The following ELAPOR2 variants were observed in gnomAD, a reference collection of about 807,000 sequenced individuals.
ELAPOR2 encodes the protein endosome/lysosome-associated apoptosis and autophagy regulator family member 2.
A neutral mutation model predicts 120.7 loss-of-function variants in ELAPOR2; 89 were observed. The observed-to-expected ratio is 0.74, with a 90% CI of 0.62 to 0.88. The LOEUF (loss-of-function observed/expected upper bound fraction) is 0.88. Ranked by LOEUF, ELAPOR2 falls within the 40% of genes least tolerant of loss-of-function variation. The pLI, the probability that ELAPOR2 is intolerant of heterozygous loss-of-function variation, is 0.00. For missense variants in ELAPOR2, 1,134 were observed against 1,251.6 expected (o/e 0.91, Z 1.42); for synonymous variants, 444 against 444.9 (o/e 1.00, Z 0.03).
In ELAPOR2 at chr7:86,947,928, A is replaced by C; in HGVS notation, c.311-6T>G. 2 of 1,547,794 alleles carry C rather than the reference A, an allele frequency of 1.3e-6. No homozygotes were observed. The highest frequency in any genetic ancestry group is 1.7e-6 in the Non-Finnish European group (2 of 1,143,512). On this transcript the variant is annotated splice_region_variant and splice_polypyrimidine_tract_variant and intron_variant, in intron 2 of 21. Coordinates refer to ENST00000450689, the MANE Select transcript of ELAPOR2 (RefSeq NM_001142749.3). ...TCCAGAAGCACAGGAGAAAGCTGGA[A>C]GGCAGAAGAATGGACAACCCATTAC...
At chr7:86,914,655 G>T in intron 13 of ELAPOR2, 68 bp downstream of exon 13, 1 of 1,324,476 alleles carries the variant, frequency 7.6e-7, no homozygotes, top group South Asian at 1.6e-5. Flanking sequence ...TTATCACTTT[G>T]TATGCATCTC....
intron 1 of ELAPOR2, among the ~76,000 whole-genome samples, chr7:87,011,360 C>A (rs2116666113): frequency 6.6e-6 from 1 of 151,868 alleles, no homozygotes; most frequent in South Asian, 2.1e-4. Context: ...AAGGAGAGAA[C>A]CTTTCCTAGA....
chr7:86,885,848 T>C (rs950755632), intron 21 of ELAPOR2, among the ~76,000 whole-genome samples: 3 of 152,160 alleles, frequency 2.0e-5, no homozygotes, highest in Non-Finnish European at 4.4e-5. Flanking sequence ...TAGAACTTGA[T>C]GTTATATGCT....
At chr7:86,987,841 T>A (rs530970696) in intron 1 of ELAPOR2, among the ~76,000 whole-genome samples, 23 of 152,306 alleles carry the variant, frequency 1.5e-4, no homozygotes, top group African/African-American at 5.3e-4. Flanking sequence ...GCGATCCTAT[T>A]ACTGGGTATA....
At chr7:87,001,261 G>A (rs926996936) in intron 1 of ELAPOR2, among the ~76,000 whole-genome samples, 13 of 152,130 alleles carry the variant, frequency 8.5e-5, no homozygotes, top group African/African-American at 3.1e-4. Flanking sequence ...TGAAGGATAA[G>A]CCAAAAGTAC....
intron 1 of ELAPOR2, among the ~76,000 whole-genome samples, chr7:86,996,289 C>G (rs527795523): frequency 6.6e-6 from 1 of 152,008 alleles, no homozygotes; most frequent in South Asian, 2.1e-4. Context: ...TGAGATGGCA[C>G]CAGCCATGGT....
At chr7:86,923,083 T>C (rs900456924) in intron 10 of ELAPOR2, among the ~76,000 whole-genome samples, 2 of 151,994 alleles carry the variant, frequency 1.3e-5, no homozygotes, top group African/African-American at 4.8e-5. Context: ...CTATATAATC[T>C]ATTTCCTGTT....
In ELAPOR2 at chr7:86,978,410, A is replaced by T. The variant is rs146221355; in HGVS notation, c.190-13386T>A. Reference sequence around the variant, plus strand: ...TTTATCTTTTCACAAAATATAATACACATCTCTTCATCTAGGAATAAATTA... The same window carrying T: ...TTTATCTTTTCACAAAATATAATACTCATCTCTTCATCTAGGAATAAATTA... On this transcript the variant is annotated intron_variant, in intron 1 of 21. Coordinates refer to ENST00000450689, the MANE Select transcript of ELAPOR2 (RefSeq NM_001142749.3). Among the ~76,000 whole-genome samples the T allele has an allele frequency of 2.9e-3, 446 of 152,368 alleles. 1 individual carries two copies. The highest frequency in any genetic ancestry group is 0.01 in the African/African-American group (431 of 41,586).
intron 1 of ELAPOR2, among the ~76,000 whole-genome samples, chr7:86,977,927 T>C (rs1792334373): frequency 6.6e-6 from 1 of 152,228 alleles, no homozygotes; most frequent in Non-Finnish European, 1.5e-5. Context: ...AAAATATGGA[T>C]AAGGATGGCT....
chr7:87,006,452 A>C (rs1793478732), intron 1 of ELAPOR2, among the ~76,000 whole-genome samples: 1 of 152,078 alleles, frequency 6.6e-6, no homozygotes, highest in Non-Finnish European at 1.5e-5. Context: ...GCAGCAAACC[A>C]CTATGGCACA....
chr7:86,993,450 A>G (rs962902578), intron 1 of ELAPOR2, among the ~76,000 whole-genome samples: 2 of 152,086 alleles, frequency 1.3e-5, no homozygotes, highest in African/African-American at 4.8e-5. Context: ...AGTTATTTCA[A>G]TACAATACAA....
At chr7:86,924,812 ATAAT>A in intron 10 of ELAPOR2, among the ~76,000 whole-genome samples, 1 of 152,162 alleles carries the variant, frequency 6.6e-6, no homozygotes, top group South Asian at 2.1e-4. Context: ...CGTGTTTACA[ATAAT>A]TAAACATAAT....
rs373384567 is a variant in ELAPOR2, at chr7:86,897,652, C to A, written c.2559-20G>T. ...CACTTGCTAAAATCATAAACAAAAC[C>A]AAAAACACATAAGTGGCAGCTTTTT... On this transcript the variant is annotated intron_variant, in intron 18 of 21. Coordinates refer to ENST00000450689, the MANE Select transcript of ELAPOR2 (RefSeq NM_001142749.3). 1 of 1,611,638 alleles carries A rather than the reference C, an allele frequency of 6.2e-7. No homozygotes were observed. Among genetic ancestry groups the A allele is most frequent in the Non-Finnish European group, 8.5e-7 (1 of 1,178,854 alleles).
Position 86,939,998 on chromosome 7 carries a change from GC to G in ELAPOR2, c.847+11del. On this transcript the variant is annotated intron_variant, in intron 6 of 21. Transcript: ENST00000450689. ...TGACTGGTGACTACTAAAACAGAAT[GC>G]CATGAAATACCTTCAATTGTGATAT... 1 of 1,540,010 alleles carries G rather than the reference GC, an allele frequency of 6.5e-7. No homozygotes were observed. Among genetic ancestry groups the G allele is most frequent in the African/African-American group, 1.4e-5 (1 of 73,004 alleles).
At chr7:86,989,786 ATTTT>A (rs911780642) in intron 1 of ELAPOR2, among the ~76,000 whole-genome samples, 1 of 151,728 alleles carries the variant, frequency 6.6e-6, no homozygotes, top group Non-Finnish European at 1.5e-5. Context: ...AAAGATACAA[ATTTT>A]TTTATTTTTA....
intron 8 of ELAPOR2, among the ~76,000 whole-genome samples, chr7:86,933,800 C>T (rs1790442383): frequency 6.6e-6 from 1 of 151,964 alleles, no homozygotes. Context: ...ATAAAGCTTG[C>T]ATTGCTTGAC....
At chr7:87,015,899 G>A (rs1055666322) in intron 1 of ELAPOR2, among the ~76,000 whole-genome samples, 1 of 152,136 alleles carries the variant, frequency 6.6e-6, no homozygotes, top group Non-Finnish European at 1.5e-5. Context: ...TTTTCTTAAA[G>A]TAGGTTGTCA....
chr7:86,921,321 T>C (rs1321012799), intron 10 of ELAPOR2, among the ~76,000 whole-genome samples: 1 of 151,908 alleles, frequency 6.6e-6, no homozygotes, highest in Non-Finnish European at 1.5e-5. Context: ...CTGGTGTCCT[T>C]ATGAGGGGAG....
rs56248486 is a variant in ELAPOR2, at chr7:87,011,264, AAAAAG to A, written c.190-46245_190-46241del. On this transcript the variant is annotated intron_variant, in intron 1 of 21. Transcript: ENST00000450689. ...GACTCCATCTCAAAAAAAAAAAAAA[AAAAAG>A]AAAAGAAAAAGAAAATACACCACCA... 3.9e-3 allele frequency among the ~76,000 whole-genome samples: 521 copies of A among 133,792 alleles called. 2 individuals carry two copies. Among genetic ancestry groups the A allele is most frequent in the African/African-American group, 0.015 (497 of 32,726 alleles). The allele number at this position is 133,792 out of a possible 152,430, so 87.8% of individuals were successfully genotyped here.
Sources: gnomAD v4.1 joint callset for allele counts (sites outside exome capture counted in the v4.1 genomes callset) on GRCh38, gnomAD v4.1.1 for gene constraint, MANE v1.5 for transcripts, NCBI Gene and HGNC (gene_info 2026-07-23, HGNC 2026-07-21) for gene names.